The following IGSF8 variants were observed in gnomAD, a reference collection of about 807,000 sequenced individuals.
IGSF8 encodes immunoglobulin superfamily member 8.
In IGSF8, 46 loss-of-function variants were observed where a neutral mutation model predicts 55.5. That is an observed-to-expected ratio of 0.83 (90% CI 0.65 to 1.06). The LOEUF (loss-of-function observed/expected upper bound fraction) is 1.06. IGSF8 is among the 50% of genes least tolerant of loss of function. IGSF8 has a pLI of 0.00. For synonymous variants in IGSF8, 314 were observed against 356.1 expected, an observed-to-expected ratio of 0.88 and a Z score of 1.33; for missense variants, 731 against 832.3, an observed-to-expected ratio of 0.88 and a Z score of 1.50.
At chr1:160,098,187 G>A (rs928405860) in intron 1 of IGSF8, among the ~76,000 whole-genome samples, 4 of 152,216 alleles carry the variant, frequency 2.6e-5, no homozygotes, top group African/African-American at 9.7e-5. Flanking sequence ...ACCTTAGTGG[G>A]TCCTCTCTAC....
chr1:160,092,648 G>C lies in IGSF8; in HGVS notation c.1360C>G (p.Arg454Gly). ...CACAGCAGGGAGGCAGTCTCCCCGC[G>C]GTACACTGTGCCTCCTGCTAGCCAT... ...VAWLAGGTVY[R>G]GETASLLCNI... The change falls in exon 5 of 7, where the codon CGC (arginine) becomes GGC (glycine). Residue 454 changes from arginine (R) to glycine (G), a missense_variant. Transcript: ENST00000314485. 1.9e-6 allele frequency: 3 copies of C among 1,601,568 alleles called. No individual in the cohort carries two copies. The highest frequency in any genetic ancestry group is 2.5e-6 in the Non-Finnish European group (3 of 1,179,906).
At position 160,098,443 on chromosome 1, in the gene IGSF8, C is replaced by T; in HGVS notation, c.30G>A (p.Pro10=). The T allele has an allele frequency of 6.5e-7, 1 of 1,545,768 alleles. No individual in the cohort carries two copies. The highest frequency in any genetic ancestry group is 8.7e-7 in the Non-Finnish European group (1 of 1,145,302). MGALRPTLL[P]PSLPLLLLLM... ...GCAGCAGCAGCAGCGGCAGCGAAGGCGGCAGCAGCGTGGGCCTGAGGGCGC... is the reference window on the plus strand; with the variant it reads ...GCAGCAGCAGCAGCGGCAGCGAAGGTGGCAGCAGCGTGGGCCTGAGGGCGC... The change falls in exon 1 of 7, where the codon CCG becomes CCA. Residue 10 remains proline (P), a synonymous_variant. Coordinates refer to ENST00000314485, the MANE Select transcript of IGSF8 (RefSeq NM_052868.6).
At chr1:160,099,318 T>C (rs1455127231), upstream of IGSF8, among the ~76,000 whole-genome samples, 1 of 152,224 alleles carries the variant, frequency 6.6e-6, no homozygotes, top group Non-Finnish European at 1.5e-5. Flanking sequence ...GCCATAGTCC[T>C]CGCTGCAAAC....
upstream of IGSF8, chr1:160,098,877 T>G (rs910646712): frequency 2.2e-4 from 7 of 31,270 alleles, no homozygotes; most frequent in East Asian, 4.3e-3. Flanking sequence ...GCCCCGCCCC[T>G]CCCCGCCCCG....
intron 1 of IGSF8, 21 bp from the exon 2 acceptor site, chr1:160,095,267 A>T: frequency 1.3e-6 from 2 of 1,585,708 alleles, no homozygotes; most frequent in Non-Finnish European, 1.7e-6. Context: ...AGGCAGAAGG[A>T]GTTGGAGATG....
upstream of IGSF8, chr1:160,098,640 G>T: frequency 1.8e-6 from 1 of 549,430 alleles, no homozygotes. Context: ...CGCCCCTCCC[G>T]CTGCTTTCCC....
At position 160,093,729 on chromosome 1, in the gene IGSF8, G is replaced by C; in HGVS notation, c.885C>G (p.His295Gln). The part of the protein sequence containing the change: ...QIAEKRAVLA[H>Q]VDVQTLSSQL... ...ACTTACACAGCGTCTGCACATCCAC[G>C]TGGGCCAGGACGGCCCTTTTCTCTG... Residue 295 changes from histidine to glutamine, a missense_variant, in exon 3 of 7, where the codon CAC becomes CAG. His to Gln is a conservative substitution (Grantham distance 24). Transcript: ENST00000314485. 2 of 1,608,404 alleles carry C rather than the reference G, an allele frequency of 1.2e-6. No homozygotes were observed. Among genetic ancestry groups the C allele is most frequent in the South Asian group, 1.1e-5 (1 of 90,470 alleles).
chr1:160,091,838 C>A lies in IGSF8; in HGVS notation c.1827G>T (p.Arg609Ser), dbSNP rs1022531784. The A allele has an allele frequency of 3.1e-6, 5 of 1,613,368 alleles. No homozygotes were observed. Among genetic ancestry groups the A allele is most frequent in the African/African-American group, 1.3e-5 (1 of 74,864 alleles). ...GAGTAAGGGATCACCGTTTTCGAAG[C>A]CTCTTCATGAAGCAGCAAGTGATGG... ...LGTITCCFMK[R>S]LRKR The change falls in exon 6 of 7, where the codon AGG (arginine) becomes AGT (serine). Residue 609 changes from arginine to serine, a missense_variant. Coordinates refer to ENST00000314485, the MANE Select transcript of IGSF8 (RefSeq NM_052868.6).
At chr1:160,098,797 A>C (rs1205077024), upstream of IGSF8, 14 of 197,884 alleles carry the variant, frequency 7.1e-5, no homozygotes, top group African/African-American at 3.4e-4. Context: ...TTTGCTCCGC[A>C]CCTGGCCCCG....
chr1:160,092,605 C>G lies in IGSF8; in HGVS notation c.1403G>C (p.Gly468Ala), dbSNP rs779859337. The change falls in exon 5 of 7, where the codon GGT becomes GCT. Residue 468 changes from glycine (G) to alanine (A), a missense_variant. Transcript: ENST00000314485. ...ASLLCNISVR[G>A]GPPGLRLAAS... ...GGCCAGCCGCAGTCCTGGGGGGCCACCCCGCACAGAGATGTTGCACAGCAG... is the reference window on the plus strand; with the variant it reads ...GGCCAGCCGCAGTCCTGGGGGGCCAGCCCGCACAGAGATGTTGCACAGCAG... 2 of 1,606,996 alleles carry G rather than the reference C, an allele frequency of 1.2e-6. No individual in the cohort carries two copies. Among genetic ancestry groups the G allele is most frequent in the Non-Finnish European group, 1.7e-6 (2 of 1,179,888 alleles).
intron 4 of IGSF8, 62 bp downstream of exon 4, chr1:160,092,862 G>C: frequency 6.5e-7 from 1 of 1,535,034 alleles, no homozygotes; most frequent in Non-Finnish European, 8.8e-7. Context: ...AGGGGTCATG[G>C]AAACAGAAGG....
chr1:160,095,321 C>T (rs1276197931), intron 1 of IGSF8, 75 bp from the exon 2 acceptor site: 1 of 1,420,308 alleles, frequency 7.0e-7, no homozygotes, highest in Non-Finnish European at 9.4e-7. Context: ...AAGCACCATT[C>T]TTGATCTCTG....
intron 1 of IGSF8, among the ~76,000 whole-genome samples, chr1:160,095,850 C>A (rs1027948949): frequency 6.6e-6 from 1 of 152,234 alleles, no homozygotes; most frequent in Non-Finnish European, 1.5e-5. Flanking sequence ...CTTCTCTCAC[C>A]CCACAGGGCT....
intron 1 of IGSF8, 31 bp from the exon 2 acceptor site, chr1:160,095,277 G>T (rs759948230): frequency 2.5e-6 from 4 of 1,574,992 alleles, no homozygotes; most frequent in Non-Finnish European, 3.4e-6. Flanking sequence ...AGTTGGAGAT[G>T]CCTGGTTCCT....
In IGSF8 at chr1:160,094,959, G is replaced by C. The variant is rs768814932; in HGVS notation, c.352C>G (p.Gln118Glu). The C allele has an allele frequency of 1.2e-6, 2 of 1,614,128 alleles. No homozygotes were observed. The highest frequency in any genetic ancestry group is 1.7e-6 in the Non-Finnish European group (2 of 1,180,032). ...DAVVLKIARL[Q>E]AQDAGIYECH... ...TCATAAATGCCGGCATCCTGGGCCT[G>C]CAGGCGGGCAATCTTGAGCACCACG... The change falls in exon 2 of 7, where the codon CAG becomes GAG. Residue 118 changes from glutamine (Q) to glutamate (E), a missense_variant. Gln to Glu is a conservative substitution (Grantham distance 29). Transcript: ENST00000314485. The surrounding 1 kb of genome is among the most constrained non-coding windows in gnomAD (Gnocchi z 4.0).
At chr1:160,096,167 T>C (rs551713308) in intron 1 of IGSF8, among the ~76,000 whole-genome samples, 1 of 152,174 alleles carries the variant, frequency 6.6e-6, no homozygotes, top group Admixed American at 6.5e-5. Context: ...CCCCAGCAGA[T>C]ACTCCTGGCA....
At position 160,092,932 on chromosome 1, in the gene IGSF8, C is replaced by T. The variant is rs777359887; in HGVS notation, c.1304G>A (p.Arg435Gln). ...GCCCAGCCCCCTCTCACCTTCCTCC[C>T]GCACATGTACAGGGAGAGGCCGGGA... ...ARSRPLPVHV[R>Q]EEGVVLEAVA... is the part of the protein sequence containing the mutation. The change falls in exon 4 of 7, where the codon CGG becomes CAG. Residue 435 changes from arginine to glutamine, a missense_variant. Arg to Gln is a conservative substitution (Grantham distance 43). Coordinates refer to ENST00000314485, the MANE Select transcript of IGSF8 (RefSeq NM_052868.6). 3.6e-5 allele frequency: 57 copies of T among 1,594,288 alleles called. No individual in the cohort carries two copies. Among genetic ancestry groups the T allele is most frequent in the Admixed American group, 5.0e-5 (3 of 59,464 alleles).
chr1:160,093,341 A>G lies in IGSF8; in HGVS notation c.905-10T>C, dbSNP rs1158887874. ...ACTGCCAGCTGGCTGGCTGAAACACAGGTAGGGGAAGAGGTGTCATGGAGG... is the reference window on the plus strand; with the variant it reads ...ACTGCCAGCTGGCTGGCTGAAACACGGGTAGGGGAAGAGGTGTCATGGAGG... On this transcript the variant is annotated splice_polypyrimidine_tract_variant and intron_variant, in intron 3 of 6. Coordinates refer to ENST00000314485, the MANE Select transcript of IGSF8 (RefSeq NM_052868.6). The G allele has an allele frequency of 8.9e-6, 14 of 1,571,332 alleles. No homozygotes were observed. Among genetic ancestry groups the G allele is most frequent in the Non-Finnish European group, 1.2e-5 (14 of 1,151,432 alleles).
chr1:160,092,227 G>A (rs1650011718), intron 5 of IGSF8, 55 bp downstream of exon 5: 2 of 1,550,410 alleles, frequency 1.3e-6, no homozygotes, highest in Non-Finnish European at 1.8e-6. Flanking sequence ...GGGAAGGCCA[G>A]TGGCAGAGGC....
Sources: gnomAD v4.1 joint callset for allele counts (sites outside exome capture counted in the v4.1 genomes callset) on GRCh38, gnomAD v4.1.1 for gene constraint, Gnocchi (gnomAD v3.1) non-coding constraint, MANE v1.5 for transcripts, NCBI Gene and HGNC (gene_info 2026-07-23, HGNC 2026-07-21) for gene names.